The following ADARB2 variants were observed in gnomAD, a reference collection of about 807,000 sequenced individuals.
ADARB2 encodes the protein adenosine deaminase RNA specific B2 (inactive), also known as inactive double-stranded RNA-specific editase B2.
In ADARB2, 25 loss-of-function variants were observed where a neutral mutation model predicts 62.2. The ratio of observed to expected loss-of-function variants is 0.40; its 90% confidence interval spans 0.29 to 0.56. ADARB2 has a LOEUF of 0.56. Ranked by LOEUF, ADARB2 falls within the 20% of genes least tolerant of loss-of-function variation. The pLI, the probability that ADARB2 is intolerant of heterozygous loss-of-function variation, is 0.43. For missense variants in ADARB2, 1,071 were observed against 1,077.4 expected (o/e 0.99, Z 0.08); for synonymous variants, 572 against 500.8 (o/e 1.14, Z -1.90).
At chr10:1,720,374 A>G (rs1046992270) in intron 1 of ADARB2, among the ~76,000 whole-genome samples, 1 of 152,164 alleles carries the variant, frequency 6.6e-6, no homozygotes, top group Admixed American at 6.5e-5. Context: ...GGAACACTAG[A>G]AGGGTCCGGA....
intron 1 of ADARB2, among the ~76,000 whole-genome samples, chr10:1,561,174 T>G (rs548531964): frequency 6.6e-6 from 1 of 152,372 alleles, no homozygotes; most frequent in South Asian, 2.1e-4. Context: ...AAGGAGATAC[T>G]TGAAATTCAT....
At chr10:1,281,124 G>C (rs976991954) in intron 3 of ADARB2, among the ~76,000 whole-genome samples, 2 of 152,208 alleles carry the variant, frequency 1.3e-5, no homozygotes, top group Admixed American at 1.3e-4. Context: ...AAATGTCTCT[G>C]CACCATAACT....
chr10:1,193,308 C>T (rs1589147618), intron 8 of ADARB2, among the ~76,000 whole-genome samples: 2 of 152,260 alleles, frequency 1.3e-5, no homozygotes, highest in East Asian at 3.9e-4. Context: ...AGTGCAGAGG[C>T]TCACAGGAGG....
chr10:1,261,626 A>T (rs925055846), intron 4 of ADARB2, among the ~76,000 whole-genome samples: 1 of 149,642 alleles, frequency 6.7e-6, no homozygotes, highest in Non-Finnish European at 1.5e-5. Flanking sequence ...GGCAATCATT[A>T]AAAAGTCAGG....
chr10:1,387,943 G>GA (rs767893450), intron 1 of ADARB2, among the ~76,000 whole-genome samples: 81 of 152,096 alleles, frequency 5.3e-4, no homozygotes, highest in Non-Finnish European at 1.1e-3. Context: ...TTTACAGTTT[G>GA]AAAATCAATC....
intron 7 of ADARB2, among the ~76,000 whole-genome samples, chr10:1,203,769 G>T (rs1352626698): frequency 6.6e-6 from 1 of 152,242 alleles, no homozygotes; most frequent in Non-Finnish European, 1.5e-5. Context: ...ATGCTGGTCA[G>T]TGGGGCCTCC....
intron 1 of ADARB2, among the ~76,000 whole-genome samples, chr10:1,531,721 T>G (rs1004118695): frequency 6.6e-6 from 1 of 152,028 alleles, no homozygotes; most frequent in Non-Finnish European, 1.5e-5. Flanking sequence ...CCTGTAATCC[T>G]AGCTACTCGG....
At chr10:1,311,100 G>C (rs1198201363) in intron 3 of ADARB2, among the ~76,000 whole-genome samples, 1 of 152,170 alleles carries the variant, frequency 6.6e-6, no homozygotes, top group Non-Finnish European at 1.5e-5. Context: ...CAATGCTCAT[G>C]GGGGTCACTC....
At chr10:1,525,427 C>T (rs944269134) in intron 1 of ADARB2, among the ~76,000 whole-genome samples, 1 of 152,154 alleles carries the variant, frequency 6.6e-6, no homozygotes, top group African/African-American at 2.4e-5. Context: ...ATTCCACATT[C>T]TTCTCTAATT....
intron 4 of ADARB2, among the ~76,000 whole-genome samples, chr10:1,246,029 T>G (rs1830983575): frequency 6.6e-6 from 1 of 151,526 alleles, no homozygotes; most frequent in African/African-American, 2.4e-5. Flanking sequence ...TGATTGCCAT[T>G]CTAACTGGTG....
chr10:1,563,763 A>G (rs888492403), intron 1 of ADARB2, among the ~76,000 whole-genome samples: 3 of 141,094 alleles, frequency 2.1e-5, no homozygotes, highest in African/African-American at 7.9e-5. Context: ...TATATCTCCC[A>G]GTGCTATCCC....
chr10:1,298,720 A>ATTTT (rs75978268), intron 3 of ADARB2, among the ~76,000 whole-genome samples: 3 of 110,776 alleles, frequency 2.7e-5, no homozygotes, highest in African/African-American at 8.5e-5. Context: ...TGCGACGGGA[A>ATTTT]TTTTTTTTTT....
intron 1 of ADARB2, among the ~76,000 whole-genome samples, chr10:1,649,513 C>T (rs1291992124): frequency 6.6e-6 from 1 of 152,218 alleles, no homozygotes; most frequent in Non-Finnish European, 1.5e-5. Flanking sequence ...TAACCTGTGT[C>T]CACTTTTCTG....
At chr10:1,209,806 G>A (rs923569961) in intron 7 of ADARB2, among the ~76,000 whole-genome samples, 18 of 152,186 alleles carry the variant, frequency 1.2e-4, no homozygotes, top group African/African-American at 4.3e-4. Context: ...GAATGACTGT[G>A]GCCACAGGAG....
At chr10:1,454,420 G>T (rs1831073617) in intron 1 of ADARB2, among the ~76,000 whole-genome samples, 1 of 152,220 alleles carries the variant, frequency 6.6e-6, no homozygotes, top group Admixed American at 6.5e-5. Context: ...CACAATTTAT[G>T]ATGGGCAAAA....
chr10:1,281,222 A>G (rs1168602730), intron 3 of ADARB2, among the ~76,000 whole-genome samples: 6 of 152,220 alleles, frequency 3.9e-5, no homozygotes, highest in Non-Finnish European at 7.3e-5. Flanking sequence ...TGATGACCTC[A>G]TCTCCACTTA....
intron 1 of ADARB2, among the ~76,000 whole-genome samples, chr10:1,447,585 A>T (rs1222204837): frequency 6.6e-6 from 1 of 152,004 alleles, no homozygotes; most frequent in Non-Finnish European, 1.5e-5. Flanking sequence ...TTGCTTTTTA[A>T]AATGTGATTG....
At chr10:1,464,219 G>A (rs1401885012) in intron 1 of ADARB2, among the ~76,000 whole-genome samples, 2 of 132,802 alleles carry the variant, frequency 1.5e-5, no homozygotes, top group African/African-American at 2.7e-5. Flanking sequence ...CCACACACGC[G>A]CTGGGGACAG....
rs532423305 is a variant in ADARB2, at chr10:1,210,345, C to G, written c.1682+6606G>C. Among the ~76,000 whole-genome samples, 12 of 152,354 alleles carry G rather than the reference C, an allele frequency of 7.9e-5. No homozygotes were observed. The South Asian group carries it at 2.3e-3, about 29-fold the overall frequency. On this transcript the variant is annotated intron_variant, in intron 7 of 9. Transcript: ENST00000381312. Reference sequence around the variant, plus strand: ...GACATTAATCTCATGGCTGCTCAAACAGAACTGCGTCTATTCCCAGAGAAA... The same window carrying G: ...GACATTAATCTCATGGCTGCTCAAAGAGAACTGCGTCTATTCCCAGAGAAA...
Sources: gnomAD v4.1 joint callset for allele counts (sites outside exome capture counted in the v4.1 genomes callset) on GRCh38, gnomAD v4.1.1 for gene constraint, MANE v1.5 for transcripts, NCBI Gene and HGNC (gene_info 2026-07-23, HGNC 2026-07-21) for gene names.